The following TEC variants were observed in gnomAD, a reference collection of about 807,000 sequenced individuals.
TEC encodes tyrosine-protein kinase Tec.
Under a neutral mutation model 93.0 loss-of-function variants are expected in TEC, and 72 were observed. The observed-to-expected ratio is 0.77, with a 90% CI of 0.64 to 0.94. The LOEUF is 0.94. Ranked by LOEUF, TEC falls within the 40% of genes least tolerant of loss-of-function variation. The pLI, the probability that TEC is intolerant of heterozygous loss-of-function variation, is 0.00. For synonymous variants in TEC, 249 were observed against 247.7 expected, an observed-to-expected ratio of 1.01 and a Z score of -0.05; for missense variants, 630 against 757.9, an observed-to-expected ratio of 0.83 and a Z score of 1.98.
intron 14 of TEC, among the ~76,000 whole-genome samples, chr4:48,144,847 G>GA (rs989454620): frequency 3.3e-5 from 5 of 151,970 alleles, no homozygotes; most frequent in Admixed American, 1.3e-4. Flanking sequence ...TATGGAGATC[G>GA]AAAAATTAAA....
At chr4:48,208,359 T>C (rs1325707195) in intron 2 of TEC, among the ~76,000 whole-genome samples, 1 of 152,176 alleles carries the variant, frequency 6.6e-6, no homozygotes, top group East Asian at 1.9e-4. Context: ...AGTTCATGTT[T>C]CACTGTGCCC....
Position 48,228,526 on chromosome 4 carries a change from A to G in TEC, c.89T>C (p.Leu30Pro). 6.2e-7 allele frequency: 1 copy of G among 1,613,366 alleles called. No individual in the cohort carries two copies. ...TAGCATGGACTTTGTAAGTACAAAA[A>G]GTCTCTCTTTGTAGTTTAAGGGCGA... ...KTSPLNYKER[L>P]FVLTKSMLTY... is the part of the protein sequence containing the mutation. The change falls in exon 2 of 18, where the codon CTT (leucine) becomes CCT (proline). Residue 30 changes from leucine to proline, a missense_variant. Physicochemically the swap from Leu to Pro is moderately conservative, Grantham distance 98 (BLOSUM62 -3). Around this residue, in one of 3 missense-constraint regions of TEC, gnomAD observed 335 missense variants for 351.5 expected, o/e 0.95. Transcript: ENST00000381501.
chr4:48,165,610 C>T (rs894419420), intron 7 of TEC, among the ~76,000 whole-genome samples: 1 of 152,170 alleles, frequency 6.6e-6, no homozygotes, highest in African/African-American at 2.4e-5. Context: ...AGATCACCTT[C>T]TAATGTGATC....
At chr4:48,215,705 C>T (rs1000379480) in intron 2 of TEC, among the ~76,000 whole-genome samples, 3 of 152,078 alleles carry the variant, frequency 2.0e-5, no homozygotes, top group African/African-American at 4.8e-5. Context: ...CAAAGAGCAT[C>T]GGTATTTGCA....
chr4:48,145,380 A>G (rs1441190321), intron 13 of TEC, 28 bp downstream of exon 13: 3 of 1,613,198 alleles, frequency 1.9e-6, no homozygotes, highest in Admixed American at 3.3e-5. Flanking sequence ...ATACAAAAAG[A>G]TGAGCCAGAA....
intron 1 of TEC, among the ~76,000 whole-genome samples, chr4:48,246,742 C>T (rs1314424253): frequency 6.6e-6 from 1 of 152,110 alleles, no homozygotes; most frequent in Non-Finnish European, 1.5e-5. Context: ...ACACCATATA[C>T]AAAAATTAAC....
At chr4:48,238,667 AATTTATGTAAATTTATATAT>A (rs890603743) in intron 1 of TEC, among the ~76,000 whole-genome samples, 3 of 150,524 alleles carry the variant, frequency 2.0e-5, no homozygotes, top group Admixed American at 2.0e-4. Context: ...TACATATATA[AATTTATGTAAATTTATATAT>A]ATGTATATAA....
chr4:48,189,620 G>A (rs1158292071), intron 2 of TEC, among the ~76,000 whole-genome samples: 2 of 152,114 alleles, frequency 1.3e-5, no homozygotes, highest in Non-Finnish European at 2.9e-5. Context: ...TGTCTCACTA[G>A]GAAATAAGAA....
chr4:48,189,822 A>G (rs1722029270), intron 2 of TEC, among the ~76,000 whole-genome samples: 2 of 152,208 alleles, frequency 1.3e-5, no homozygotes, highest in African/African-American at 4.8e-5. Flanking sequence ...TGGTTTACGC[A>G]TATCAACTTG....
At chr4:48,251,877 T>C (rs183745576) in intron 1 of TEC, among the ~76,000 whole-genome samples, 173 of 152,174 alleles carry the variant, frequency 1.1e-3, no homozygotes, top group African/African-American at 4.0e-3. Context: ...AGAGAAGAAA[T>C]AGTAGAAGCA....
intron 2 of TEC, among the ~76,000 whole-genome samples, chr4:48,216,282 C>T (rs556703208): frequency 2.6e-5 from 4 of 151,640 alleles, no homozygotes; most frequent in African/African-American, 7.2e-5. Context: ...CAGGTCTATA[C>T]TCTTGCCACC....
chr4:48,191,070 C>A (rs374054274), intron 2 of TEC, among the ~76,000 whole-genome samples: 1 of 152,202 alleles, frequency 6.6e-6, no homozygotes, highest in South Asian at 2.1e-4. Context: ...TGCTTAAATG[C>A]CAGCTCTGTG....
At chr4:48,148,248 T>C (rs1720000607) in intron 11 of TEC, among the ~76,000 whole-genome samples, 1 of 152,186 alleles carries the variant, frequency 6.6e-6, no homozygotes, top group Admixed American at 6.6e-5. Context: ...TTATAGTATG[T>C]AAATTTTATC....
At chr4:48,247,824 A>G (rs1042340434) in intron 1 of TEC, among the ~76,000 whole-genome samples, 5 of 152,176 alleles carry the variant, frequency 3.3e-5, no homozygotes, top group Admixed American at 3.3e-4. Flanking sequence ...TCACTAGACT[A>G]CTCTGTAAAA....
intron 9 of TEC, chr4:48,153,638 A>C (rs1267142893): frequency 6.6e-6 from 1 of 152,184 alleles, no homozygotes; most frequent in Non-Finnish European, 1.5e-5. Context: ...TTCACACACA[A>C]AAAATTTGCA....
chr4:48,239,899 G>T (rs562029862), intron 1 of TEC, among the ~76,000 whole-genome samples: 1 of 151,956 alleles, frequency 6.6e-6, no homozygotes, highest in East Asian at 1.9e-4. Flanking sequence ...TTGATATTAA[G>T]GTTCATCGGT....
chr4:48,216,864 C>A (rs1236801293), intron 2 of TEC, among the ~76,000 whole-genome samples: 1 of 152,144 alleles, frequency 6.6e-6, no homozygotes, highest in Admixed American at 6.5e-5. Flanking sequence ...TACAAATAAT[C>A]AAATGAATAA....
At chr4:48,182,240 G>A (rs907461840) in intron 2 of TEC, among the ~76,000 whole-genome samples, 4 of 148,396 alleles carry the variant, frequency 2.7e-5, no homozygotes, top group East Asian at 2.0e-4. Context: ...AGCCAAGATC[G>A]CACCACTGCC....
At chr4:48,159,396 CT>C (rs1720531178) in intron 8 of TEC, among the ~76,000 whole-genome samples, 1 of 152,048 alleles carries the variant, frequency 6.6e-6, no homozygotes, top group Admixed American at 6.6e-5. Context: ...TGGCTCTTTT[CT>C]TTTTTATTTT....
Sources: gnomAD v4.1 joint callset for allele counts (sites outside exome capture counted in the v4.1 genomes callset) on GRCh38, gnomAD v4.1.1 for gene constraint, gnomAD v4.1.1 regional missense constraint, MANE v1.5 for transcripts, NCBI Gene and HGNC (gene_info 2026-07-23, HGNC 2026-07-21) for gene names.